Variants in ASTN1 observed in about 807,000 individuals in gnomAD.
ASTN1 encodes astrotactin 1.
In ASTN1, 41 loss-of-function variants were observed where a neutral mutation model predicts 140.7. That is an observed-to-expected ratio of 0.29 (90% confidence interval 0.23 to 0.38). The LOEUF (loss-of-function observed/expected upper bound fraction) is 0.38. ASTN1 is among the 10% of genes least tolerant of loss of function. The probability of loss-of-function intolerance (pLI) is 1.00; values close to 1 mark genes in which losing one functional copy is unlikely to be tolerated. For synonymous variants in ASTN1, 640 were observed against 652.2 expected, an observed-to-expected ratio of 0.98 and a Z score of 0.29; for missense variants, 1,479 against 1,678.8, an observed-to-expected ratio of 0.88 and a Z score of 2.08.
intron 16 of ASTN1, among the ~76,000 whole-genome samples, chr1:176,901,436 T>C (rs780152708): frequency 2.0e-5 from 3 of 152,252 alleles, no homozygotes; most frequent in Middle Eastern, 3.4e-3. Context: ...GTATATCTGG[T>C]GTCCTGGGTC....
intron 16 of ASTN1, among the ~76,000 whole-genome samples, chr1:176,919,675 A>G (rs1314501620): frequency 6.6e-6 from 1 of 152,242 alleles, no homozygotes; most frequent in East Asian, 1.9e-4. Context: ...TAAAAATACA[A>G]AAAGCTGAAA....
chr1:177,037,869 T>C (rs1676798477), intron 2 of ASTN1, among the ~76,000 whole-genome samples: 1 of 152,216 alleles, frequency 6.6e-6, no homozygotes, highest in African/African-American at 2.4e-5. Context: ...TTTTTAAAAA[T>C]CAATAAATCA....
intron 8 of ASTN1, among the ~76,000 whole-genome samples, chr1:177,013,060 T>C (rs2101936560): frequency 6.6e-6 from 1 of 152,276 alleles, no homozygotes; most frequent in East Asian, 1.9e-4. Flanking sequence ...GCCAGTGGTA[T>C]TACTCATTCA....
chr1:176,944,119 C>G, intron 13 of ASTN1, 101 bp from the exon 14 acceptor site: 5 of 1,486,766 alleles, frequency 3.4e-6, no homozygotes, highest in Non-Finnish European at 4.6e-6. Context: ...CTCTTGTTGC[C>G]CAGGCTGGAG....
At chr1:177,023,691 C>A in intron 6 of ASTN1, 120 bp from the exon 7 acceptor site, 1 of 1,108,610 alleles carries the variant, frequency 9.0e-7, no homozygotes, top group Non-Finnish European at 1.2e-6. Flanking sequence ...CTAACTCTCA[C>A]CATTCCTAGC....
intron 8 of ASTN1, among the ~76,000 whole-genome samples, chr1:176,991,413 C>CAAAAAAAAAAAAAAAAAAAAAGCAA (rs1200261285): frequency 9.1e-6 from 1 of 109,540 alleles, no homozygotes; most frequent in African/African-American, 3.3e-5. Context: ...AACTCTGTCT[C>CAAAAAAAAAAAAAAAAAAAAAGCAA]AAAAAAAAAA....
chr1:176,996,058 T>G (rs1330369689), intron 8 of ASTN1, among the ~76,000 whole-genome samples: 21 of 152,172 alleles, frequency 1.4e-4, no homozygotes, highest in Non-Finnish European at 4.4e-5. Context: ...TAGGTTAGTC[T>G]GGTCCTTGGA....
intron 1 of ASTN1, among the ~76,000 whole-genome samples, chr1:177,106,021 C>A (rs929585819): frequency 2.6e-5 from 4 of 152,036 alleles, no homozygotes; most frequent in Admixed American, 1.3e-4. Flanking sequence ...AAAACAAAAA[C>A]AAAAACATGC....
intron 8 of ASTN1, among the ~76,000 whole-genome samples, chr1:176,983,089 T>C (rs1673704103): frequency 6.6e-6 from 1 of 152,074 alleles, no homozygotes; most frequent in Non-Finnish European, 1.5e-5. Context: ...TGAAATTCAA[T>C]GATCAAAGAG....
intron 1 of ASTN1, among the ~76,000 whole-genome samples, chr1:177,122,696 T>C (rs1474319973): frequency 6.6e-6 from 1 of 152,174 alleles, no homozygotes; most frequent in Non-Finnish European, 1.5e-5. Context: ...CACTTCACAG[T>C]GGTCAGCGCT....
intron 14 of ASTN1, among the ~76,000 whole-genome samples, chr1:176,938,154 C>G (rs1341959626): frequency 1.3e-5 from 2 of 152,068 alleles, no homozygotes; most frequent in Non-Finnish European, 2.9e-5. Context: ...TTGTGACTAC[C>G]AACAGTCATA....
intron 1 of ASTN1, among the ~76,000 whole-genome samples, chr1:177,114,915 T>G (rs944196410): frequency 6.6e-6 from 1 of 152,054 alleles, no homozygotes; most frequent in African/African-American, 2.4e-5. Flanking sequence ...CTCCAGTGCA[T>G]ATGGTTCAAA....
At chr1:177,123,660 G>A (rs1191694813) in intron 1 of ASTN1, among the ~76,000 whole-genome samples, 1 of 152,080 alleles carries the variant, frequency 6.6e-6, no homozygotes, top group Non-Finnish European at 1.5e-5. Flanking sequence ...GTGGCCCCTG[G>A]GCTACTTCTT....
chr1:177,065,849 G>A (rs116252967), intron 1 of ASTN1, among the ~76,000 whole-genome samples: 3,022 of 152,202 alleles, frequency 0.02, 42 homozygotes, highest in Middle Eastern at 0.027. Flanking sequence ...CAAAGACCCC[G>A]AAAGAAAATG....
chr1:176,866,030 G>A (rs560424786), intron 22 of ASTN1, among the ~76,000 whole-genome samples: 2 of 152,304 alleles, frequency 1.3e-5, no homozygotes, highest in African/African-American at 4.8e-5. Flanking sequence ...AGATTTGGGT[G>A]GGGACACAGC....
intron 16 of ASTN1, among the ~76,000 whole-genome samples, chr1:176,910,671 T>C (rs1445724343): frequency 6.6e-6 from 1 of 152,180 alleles, no homozygotes. Flanking sequence ...CTAGATGGTA[T>C]AGCCTGCCAC....
intron 1 of ASTN1, among the ~76,000 whole-genome samples, chr1:177,068,728 G>T (rs1169676516): frequency 6.6e-6 from 1 of 151,922 alleles, no homozygotes; most frequent in Non-Finnish European, 1.5e-5. Context: ...TGTTTTTTCT[G>T]TATGGCACCT....
intron 1 of ASTN1, among the ~76,000 whole-genome samples, chr1:177,124,579 T>C (rs958023038): frequency 1.3e-5 from 2 of 152,186 alleles, no homozygotes; most frequent in Non-Finnish European, 2.9e-5. Context: ...CTATGTCTGA[T>C]GTATATCGCC....
intron 8 of ASTN1, among the ~76,000 whole-genome samples, chr1:176,988,836 A>G (rs1674028252): frequency 6.6e-6 from 1 of 152,232 alleles, no homozygotes; most frequent in African/African-American, 2.4e-5. Flanking sequence ...TTCAGCATTA[A>G]GATGCATAGC....
Sources: gnomAD v4.1 joint callset for allele counts (sites outside exome capture counted in the v4.1 genomes callset) on GRCh38, gnomAD v4.1.1 for gene constraint, MANE v1.5 for transcripts, NCBI Gene and HGNC (gene_info 2026-07-23, HGNC 2026-07-21) for gene names.